Variants in CENPQ observed in about 807,000 individuals in gnomAD.
CENPQ encodes the protein centromere protein Q.
A neutral mutation model predicts 36.6 loss-of-function variants in CENPQ; 27 were observed. The observed-to-expected ratio is 0.74, with a 90% confidence interval of 0.54 to 1.02. The LOEUF is 1.02. Ranked by LOEUF, CENPQ falls within the 50% of genes least tolerant of loss-of-function variation. The pLI, the probability that CENPQ is intolerant of heterozygous loss-of-function variation, is 0.00. For synonymous variants in CENPQ, 101 were observed against 101.7 expected (o/e 0.99, Z 0.04); for missense variants, 306 against 301.8 (o/e 1.01, Z -0.10).
intron 5 of CENPQ, among the ~76,000 whole-genome samples, chr6:49,476,225 G>T (rs375897758): frequency 6.6e-6 from 1 of 152,086 alleles, no homozygotes; most frequent in African/African-American, 2.4e-5. Flanking sequence ...CCAAAACAGA[G>T]ATAGAGACCA....
chr6:49,488,276 T>C lies in CENPQ; in HGVS notation c.478-76T>C, dbSNP rs143879042. On this transcript the variant is annotated intron_variant, in intron 6 of 8. Transcript: ENST00000335783. ...ATATGGTGTTTTTTTAAAATGTGTA[T>C]GTATAACAATATCTATTAGGATTTA... is the stretch of plus-strand genomic sequence containing the variant. 10 of 1,114,448 alleles carry C rather than the reference T, an allele frequency of 9.0e-6. No individual in the cohort carries two copies. In the Middle Eastern group the frequency reaches 1.2e-3, roughly 138 times the overall value. The allele number at this position is 1,114,448 out of a possible 1,614,324, so 69.0% of individuals were successfully genotyped here.
chr6:49,463,841 C>T (rs1175270118), intron 1 of CENPQ, among the ~76,000 whole-genome samples: 1 of 152,084 alleles, frequency 6.6e-6, no homozygotes, highest in Non-Finnish European at 1.5e-5. Flanking sequence ...CCATGAGTAT[C>T]AACAAGCTGG....
chr6:49,488,937 A>G (rs779534173), intron 8 of CENPQ, among the ~76,000 whole-genome samples: 1 of 152,136 alleles, frequency 6.6e-6, no homozygotes, highest in Non-Finnish European at 1.5e-5. Flanking sequence ...AAATGTTAAC[A>G]ATCATCTGCA....
chr6:49,475,638 C>A (rs1768268541), intron 5 of CENPQ, among the ~76,000 whole-genome samples: 1 of 152,176 alleles, frequency 6.6e-6, no homozygotes. Context: ...CAAATTGTCC[C>A]TGTTTGCAGA....
chr6:49,482,726 T>G (rs1357490036), intron 6 of CENPQ, among the ~76,000 whole-genome samples: 1 of 152,268 alleles, frequency 6.6e-6, no homozygotes, highest in South Asian at 2.1e-4. Flanking sequence ...GGTCCCTTTG[T>G]GGTCGCCAAA....
At chr6:49,485,943 T>G (rs1484586931) in intron 6 of CENPQ, among the ~76,000 whole-genome samples, 2 of 152,188 alleles carry the variant, frequency 1.3e-5, no homozygotes, top group African/African-American at 2.4e-5. Flanking sequence ...TCAATGCTGT[T>G]ATACATTCCC....
Position 49,463,401 on chromosome 6 carries a change from G to T in CENPQ, c.-71G>T, listed in dbSNP as rs1767913530. The T allele has an allele frequency of 6.6e-6, 1 of 152,260 alleles. No homozygotes were observed. The highest frequency in any genetic ancestry group is 6.5e-5 in the Admixed American group (1 of 15,268). The allele number at this position is 152,260 out of a possible 1,614,324, so 9.4% of individuals were successfully genotyped here. A position where few individuals can be genotyped will look rare whatever the true frequency, so the allele number is the denominator to read the frequency against. ...GGGTCTCCTCTGTTTACGAATGTTT[G>T]GGCGCGAATTACTCTAAGCGCGGCT... On this transcript the variant is annotated 5_prime_UTR_variant, in exon 1 of 9. Coordinates refer to ENST00000335783, the MANE Select transcript of CENPQ (RefSeq NM_018132.4).
rs956366863 is a variant in CENPQ, at chr6:49,492,895, A to T, written c.*620A>T. 6.6e-6 allele frequency: 1 copy of T among 152,624 alleles called. No homozygotes were observed. The highest frequency in any genetic ancestry group is 2.4e-5 in the African/African-American group (1 of 41,454). 9.5% of individuals were successfully genotyped at this position (152,624 alleles called of 1,614,324 possible). On this transcript the variant is annotated 3_prime_UTR_variant, in exon 9 of 9. Coordinates refer to ENST00000335783, the MANE Select transcript of CENPQ (RefSeq NM_018132.4). ...TACTGTCATCAAAACATATTCCCAA[A>T]AAGTATTAAAAAGGAACCTTAGCAC...
chr6:49,491,431 A>T lies in CENPQ; in HGVS notation c.676-713A>T, dbSNP rs114767551. ...TACTGATTTGTATAGTCATAATTGT[A>T]GGATACATTTCTAGAAGTAAATACT... is the stretch of plus-strand genomic sequence containing the variant. On this transcript the variant is annotated intron_variant, in intron 8 of 8. Coordinates refer to ENST00000335783, the MANE Select transcript of CENPQ (RefSeq NM_018132.4). Among the ~76,000 whole-genome samples the T allele has an allele frequency of 9.9e-3, 1,515 of 152,298 alleles. 13 individuals are homozygous for T. The highest frequency in any genetic ancestry group is 0.016 in the Non-Finnish European group (1,121 of 68,030).
At chr6:49,483,155 G>T (rs1021209021) in intron 6 of CENPQ, among the ~76,000 whole-genome samples, 1 of 152,120 alleles carries the variant, frequency 6.6e-6, no homozygotes, top group African/African-American at 2.4e-5. Context: ...AGACACAAAG[G>T]TTCTCCACGT....
Position 49,492,758 on chromosome 6 carries a change from C to T in CENPQ, c.*483C>T, listed in dbSNP as rs1375840535. ...CAAATGCCTTCACTCTTTTACCTAA[C>T]TCCCTAGTCTTTTTGGGAAGTAGTT... On this transcript the variant is annotated 3_prime_UTR_variant, in exon 9 of 9. Coordinates refer to ENST00000335783, the MANE Select transcript of CENPQ (RefSeq NM_018132.4). 6.6e-6 allele frequency: 1 copy of T among 152,328 alleles called. No homozygotes were observed. Among genetic ancestry groups the T allele is most frequent in the East Asian group, 1.9e-4 (1 of 5,194 alleles). 9.4% of individuals were successfully genotyped at this position (152,328 alleles called of 1,614,324 possible).
intron 5 of CENPQ, among the ~76,000 whole-genome samples, chr6:49,478,356 A>G (rs1375900208): frequency 6.6e-6 from 1 of 152,176 alleles, no homozygotes; most frequent in African/African-American, 2.4e-5. Context: ...TTAAGCTAGC[A>G]TCTCCCAAAT....
intron 1 of CENPQ, among the ~76,000 whole-genome samples, chr6:49,468,812 A>G (rs1475814348): frequency 6.6e-6 from 1 of 152,212 alleles, no homozygotes; most frequent in Admixed American, 6.5e-5. Context: ...CTCAGCTGTT[A>G]CTTGTCCCTT....
At chr6:49,479,414 A>T (rs902270270) in intron 5 of CENPQ, among the ~76,000 whole-genome samples, 1 of 152,204 alleles carries the variant, frequency 6.6e-6, no homozygotes, top group African/African-American at 2.4e-5. Context: ...GAGAAATGCA[A>T]ATGAAAACCA....
At chr6:49,477,514 A>C (rs1768325030) in intron 5 of CENPQ, among the ~76,000 whole-genome samples, 1 of 151,778 alleles carries the variant, frequency 6.6e-6, no homozygotes, top group South Asian at 2.1e-4. Flanking sequence ...ATGTATACAT[A>C]TGTAACAAAC....
intron 5 of CENPQ, among the ~76,000 whole-genome samples, chr6:49,473,951 T>A (rs994221548): frequency 5.3e-5 from 8 of 151,944 alleles, no homozygotes; most frequent in Admixed American, 3.3e-4. Flanking sequence ...AGGGATCAAT[T>A]CAACAAGAAG....
Position 49,493,088 on chromosome 6 carries a change from A to G in CENPQ, c.*813A>G, listed in dbSNP as rs1331934607. The G allele has an allele frequency of 5.9e-5, 9 of 151,800 alleles. No individual in the cohort carries two copies. Among genetic ancestry groups the G allele is most frequent in the Non-Finnish European group, 1.0e-4 (7 of 67,896 alleles). 9.4% of individuals were successfully genotyped at this position (151,800 alleles called of 1,614,324 possible). The stretch of plus-strand genomic sequence containing the variant: ...TTTTTTTTTTTAGTCTGTAAAATAA[A>G]ATGACTGCAATTACTTTTTTATGTG... On this transcript the variant is annotated 3_prime_UTR_variant, in exon 9 of 9. Transcript: ENST00000335783.
At chr6:49,492,069 G>A in intron 8 of CENPQ, 75 bp from the exon 9 acceptor site, 1 of 1,180,282 alleles carries the variant, frequency 8.5e-7, no homozygotes, top group Non-Finnish European at 1.2e-6. Flanking sequence ...TTATTTTACT[G>A]TTCTCTCTAA....
At chr6:49,486,412 C>T (rs116822358) in intron 6 of CENPQ, among the ~76,000 whole-genome samples, 1 of 152,310 alleles carries the variant, frequency 6.6e-6, no homozygotes, top group Non-Finnish European at 1.5e-5. Context: ...TTAGATCCTA[C>T]AACCAATTCA....
Sources: allele counts gnomAD v4.1 joint callset (sites outside exome capture counted in the v4.1 genomes callset), GRCh38; gene constraint gnomAD v4.1.1; transcripts MANE v1.5; gene names NCBI Gene and HGNC (gene_info 2026-07-23, HGNC 2026-07-21).